Variants in ACOT7 observed in about 807,000 individuals in gnomAD.
ACOT7 encodes the protein acyl-CoA thioesterase 7.
ACOT7 carries 12 observed loss-of-function variants against 40.2 expected under a neutral mutation model. The ratio of observed to expected loss-of-function variants is 0.30; its 90% CI spans 0.19 to 0.48. The LOEUF (loss-of-function observed/expected upper bound fraction) is 0.48, where lower values mean the gene tolerates loss of function less well. Ranked by LOEUF, ACOT7 falls within the 20% of genes least tolerant of loss-of-function variation. ACOT7 has a pLI of 0.99. For missense variants in ACOT7, 395 were observed against 530.8 expected, an observed-to-expected ratio of 0.74 and a Z score of 2.51; for synonymous variants, 228 against 219.5, an observed-to-expected ratio of 1.04 and a Z score of -0.34.
intron 1 of ACOT7, among the ~76,000 whole-genome samples, chr1:6,354,423 C>A (rs189728688): frequency 2.0e-3 from 310 of 152,376 alleles, no homozygotes; most frequent in African/African-American, 6.9e-3. Context: ...AGCAACCCCA[C>A]AAAGCTGGCG....
At chr1:6,381,676 C>T (rs187462137) in intron 1 of ACOT7, among the ~76,000 whole-genome samples, 2 of 151,976 alleles carry the variant, frequency 1.3e-5, no homozygotes, top group East Asian at 1.9e-4. Flanking sequence ...AGCAATTCCA[C>T]TTCTGGGAAT....
chr1:6,284,270 C>A (rs1292649366), intron 7 of ACOT7, among the ~76,000 whole-genome samples: 1 of 152,130 alleles, frequency 6.6e-6, no homozygotes, highest in Admixed American at 6.5e-5. Context: ...CCTGCTCTAG[C>A]CCTTCCTGAA....
intron 1 of ACOT7, among the ~76,000 whole-genome samples, chr1:6,372,047 AAAAAAAAAAAAG>A (rs921223391): frequency 1.3e-5 from 2 of 150,452 alleles, no homozygotes; most frequent in African/African-American, 4.9e-5. Context: ...TCTGTGTCAA[AAAAAAAAAAAAG>A]AAAAAACCTA....
At chr1:6,370,754 C>T (rs1229705285) in intron 1 of ACOT7, among the ~76,000 whole-genome samples, 3 of 151,298 alleles carry the variant, frequency 2.0e-5, no homozygotes, top group Non-Finnish European at 4.4e-5. Flanking sequence ...TGGCCTCCCA[C>T]AGTGCTGGGA....
chr1:6,327,083 G>C (rs550696647), intron 5 of ACOT7, among the ~76,000 whole-genome samples: 2 of 152,216 alleles, frequency 1.3e-5, no homozygotes, highest in Non-Finnish European at 2.9e-5. Context: ...AGTCACGCAG[G>C]TCGCCTTCCA....
At chr1:6,272,933 G>A (rs958703606) in intron 8 of ACOT7, among the ~76,000 whole-genome samples, 1 of 152,206 alleles carries the variant, frequency 6.6e-6, no homozygotes, top group East Asian at 1.9e-4. Flanking sequence ...TGCTCACTCT[G>A]TCCGTGTCAC....
chr1:6,297,545 G>GC (rs1459935341), intron 6 of ACOT7, among the ~76,000 whole-genome samples: 1 of 152,158 alleles, frequency 6.6e-6, no homozygotes, highest in Non-Finnish European at 1.5e-5. Flanking sequence ...CCTACCTAGC[G>GC]CCCCCCATGG....
chr1:6,329,888 G>T (rs1004665791), intron 4 of ACOT7, among the ~76,000 whole-genome samples: 1 of 152,184 alleles, frequency 6.6e-6, no homozygotes, highest in African/African-American at 2.4e-5. Context: ...TCATCCTGGG[G>T]CCCCTCGGGC....
At chr1:6,280,126 C>T (rs1639312251) in intron 8 of ACOT7, among the ~76,000 whole-genome samples, 1 of 152,244 alleles carries the variant, frequency 6.6e-6, no homozygotes, top group African/African-American at 2.4e-5. Context: ...TGCCTGGCCA[C>T]TTCCATGAGA....
rs948903128 is a variant in ACOT7 at position 6,274,465 on chromosome 1, G to A, written c.1014+6637C>T. 7.2e-5 allele frequency among the ~76,000 whole-genome samples: 11 copies of A among 152,146 alleles called. No homozygotes were observed. The highest frequency in any genetic ancestry group is 2.7e-4 in the African/African-American group (11 of 41,434). On this transcript the variant is annotated intron_variant, in intron 8 of 8. Coordinates refer to ENST00000361521, the MANE Select transcript of ACOT7 (RefSeq NM_007274.4). The surrounding 1 kb of genome is among the most constrained non-coding windows in gnomAD (Gnocchi z 5.9). Reference sequence around the variant, plus strand: ...GTCAAACAGTGCCCTCCTTCCGGACGCTCCAGCCCATGCCACGCTGTCCTC... The same window carrying A: ...GTCAAACAGTGCCCTCCTTCCGGACACTCCAGCCCATGCCACGCTGTCCTC...
At chr1:6,319,063 T>A (rs1184203493) in intron 5 of ACOT7, among the ~76,000 whole-genome samples, 1 of 152,094 alleles carries the variant, frequency 6.6e-6, no homozygotes, top group Non-Finnish European at 1.5e-5. Flanking sequence ...ATCACCTCAC[T>A]CTTGCAAGAG....
intron 1 of ACOT7, 69 bp from the exon 2 acceptor site, chr1:6,349,935 G>A: frequency 6.7e-7 from 1 of 1,500,356 alleles, no homozygotes; most frequent in Non-Finnish European, 9.2e-7. Flanking sequence ...GACAATCCAA[G>A]GAGGGGAGAA....
intron 6 of ACOT7, chr1:6,295,207 C>T (rs1639779622): frequency 2.1e-6 from 1 of 465,642 alleles, no homozygotes; most frequent in African/African-American, 2.0e-5. Flanking sequence ...TGCCAAGCCA[C>T]TAACAAAACA....
intron 1 of ACOT7, among the ~76,000 whole-genome samples, chr1:6,363,722 C>T (rs1219776758): frequency 2.0e-5 from 3 of 152,088 alleles, no homozygotes; most frequent in Non-Finnish European, 4.4e-5. Flanking sequence ...CACTCTTTAC[C>T]CCTCCCCTTT....
rs1048761503 is a variant in ACOT7 at position 6,282,569 on chromosome 1, C to T, written c.830-1283G>A. Among the ~76,000 whole-genome samples the T allele has an allele frequency of 1.3e-5, 2 of 152,118 alleles. No individual in the cohort carries two copies. Among genetic ancestry groups the T allele is most frequent in the Non-Finnish European group, 2.9e-5 (2 of 68,018 alleles). On this transcript the variant is annotated intron_variant, in intron 7 of 8. Coordinates refer to ENST00000361521, the MANE Select transcript of ACOT7 (RefSeq NM_007274.4). This position sits in a 1 kb window ranked among gnomAD's most constrained non-coding sequence, Gnocchi z 4.5. ...GGAACCCCCAGTGTCCTAGCTGCAC[C>T]GAGACCAGCCTCACAAGGCAGGTTT... is the stretch of plus-strand genomic sequence containing the variant.
chr1:6,278,794 C>T lies in ACOT7; in HGVS notation c.1014+2308G>A, dbSNP rs1371206259. Among the ~76,000 whole-genome samples the T allele has an allele frequency of 1.3e-5, 2 of 152,180 alleles. No homozygotes were observed. The highest frequency in any genetic ancestry group is 2.9e-5 in the Non-Finnish European group (2 of 68,026). On this transcript the variant is annotated intron_variant, in intron 8 of 8. Coordinates refer to ENST00000361521, the MANE Select transcript of ACOT7 (RefSeq NM_007274.4). The surrounding 1 kb of genome is among the most constrained non-coding windows in gnomAD (Gnocchi z 4.1). ...GGCTGGAGTATCCCTACAGACACTA[C>T]AGGGTCCCCCATCCAGGGAGCGCAG...
intron 6 of ACOT7, 110 bp from the exon 7 acceptor site, chr1:6,295,090 A>C: frequency 1.4e-6 from 1 of 697,776 alleles, no homozygotes; most frequent in Non-Finnish European, 2.4e-6. Flanking sequence ...GCCACCAGCA[A>C]GGGCCGCAGC....
intron 8 of ACOT7, among the ~76,000 whole-genome samples, chr1:6,277,561 G>A (rs564553372): frequency 6.6e-6 from 1 of 152,328 alleles, no homozygotes. Flanking sequence ...GGGTGGCCTC[G>A]GGTGTGTCAC....
intron 1 of ACOT7, among the ~76,000 whole-genome samples, chr1:6,361,189 A>G (rs544084506): frequency 6.6e-6 from 1 of 152,340 alleles, no homozygotes; most frequent in East Asian, 1.9e-4. Context: ...TAATGCACGG[A>G]CCAGCCTTGA....
Sources: gnomAD v4.1 joint callset for allele counts (sites outside exome capture counted in the v4.1 genomes callset) on GRCh38, gnomAD v4.1.1 for gene constraint, Gnocchi (gnomAD v3.1) non-coding constraint, MANE v1.5 for transcripts, NCBI Gene and HGNC (gene_info 2026-07-23, HGNC 2026-07-21) for gene names.